The following MGAT4A variants were observed in gnomAD, a reference collection of about 807,000 sequenced individuals.
The protein encoded by MGAT4A is N-acetylglucosaminyltransferase IVa.
Under a neutral mutation model 74.1 loss-of-function variants are expected in MGAT4A, and 33 were observed. That is an observed-to-expected ratio of 0.45 (90% CI 0.34 to 0.60). MGAT4A has a LOEUF of 0.60. Among genes scored for constraint, MGAT4A ranks in the 20% least tolerant of loss-of-function variants. The probability of loss-of-function intolerance (pLI) is 0.02; values close to 1 mark genes in which losing one functional copy is unlikely to be tolerated. For missense variants in MGAT4A, 479 were observed against 628.3 expected, an observed-to-expected ratio of 0.76 and a Z score of 2.54; for synonymous variants, 198 against 210.4, an observed-to-expected ratio of 0.94 and a Z score of 0.51.
intron 8 of MGAT4A, among the ~76,000 whole-genome samples, chr2:98,647,111 C>T (rs374549899): frequency 6.6e-6 from 1 of 152,088 alleles, no homozygotes; most frequent in Non-Finnish European, 1.5e-5. Context: ...TTAGCAATTA[C>T]AGAATTAGGA....
intron 2 of MGAT4A, among the ~76,000 whole-genome samples, chr2:98,715,868 T>C (rs1008434518): frequency 2.0e-5 from 3 of 152,230 alleles, no homozygotes; most frequent in Non-Finnish European, 4.4e-5. Flanking sequence ...AGAAACAGGA[T>C]ATTGGCTTCC....
chr2:98,677,833 T>C (rs1488865720), intron 3 of MGAT4A, among the ~76,000 whole-genome samples: 1 of 146,984 alleles, frequency 6.8e-6, no homozygotes, highest in Non-Finnish European at 1.5e-5. Context: ...TGTAATTTAC[T>C]AGAAAAGAAA....
chr2:98,706,499 T>A (rs148039912), intron 2 of MGAT4A, among the ~76,000 whole-genome samples: 3,350 of 152,082 alleles, frequency 0.022, 49 homozygotes, highest in South Asian at 0.046. Flanking sequence ...CCAGCTAATT[T>A]TTGTATTTTT....
intron 2 of MGAT4A, among the ~76,000 whole-genome samples, chr2:98,679,696 T>C (rs1198697017): frequency 1.3e-5 from 2 of 152,164 alleles, no homozygotes; most frequent in South Asian, 2.1e-4. Flanking sequence ...AAGTCATTCA[T>C]TTGAATAATT....
In MGAT4A at chr2:98,621,311, T is replaced by A. The variant is rs913907794; in HGVS notation, c.*4255A>T. On this transcript the variant is annotated 3_prime_UTR_variant, in exon 16 of 16. Coordinates refer to ENST00000393487, the MANE Select transcript of MGAT4A (RefSeq NM_012214.3). Reference sequence around the variant, plus strand: ...CTTTCCAAGCCTATGAATGAGCTTATGGGCTGAATTCAGTTCCCGTGGCTG... The same window carrying A: ...CTTTCCAAGCCTATGAATGAGCTTAAGGGCTGAATTCAGTTCCCGTGGCTG... 1.4e-6 allele frequency: 2 copies of A among 1,423,160 alleles called. No individual in the cohort carries two copies. Among genetic ancestry groups the A allele is most frequent in the African/African-American group, 2.9e-5 (2 of 68,994 alleles). 88.2% of individuals were successfully genotyped at this position (1,423,160 alleles called of 1,614,324 possible).
intron 12 of MGAT4A, among the ~76,000 whole-genome samples, chr2:98,637,575 T>C (rs901665602): frequency 9.9e-5 from 15 of 152,154 alleles, no homozygotes; most frequent in Non-Finnish European, 1.8e-4. Flanking sequence ...TGCGTATGCG[T>C]TCTCAGGGTG....
At chr2:98,683,305 A>C (rs1474192764) in intron 2 of MGAT4A, among the ~76,000 whole-genome samples, 2 of 152,174 alleles carry the variant, frequency 1.3e-5, no homozygotes, top group Non-Finnish European at 2.9e-5. Context: ...TGATTGTGCC[A>C]ATGTTAAATT....
intron 8 of MGAT4A, among the ~76,000 whole-genome samples, chr2:98,650,081 G>A (rs1010743111): frequency 2.6e-5 from 4 of 152,076 alleles, no homozygotes; most frequent in African/African-American, 9.7e-5. Flanking sequence ...AATAGAGATA[G>A]AAACTATAAA....
At chr2:98,717,433 C>G (rs1390655721) in intron 2 of MGAT4A, among the ~76,000 whole-genome samples, 1 of 151,170 alleles carries the variant, frequency 6.6e-6, no homozygotes, top group African/African-American at 2.4e-5. Context: ...AGTAGGAGGA[C>G]ATGACAACTA....
At chr2:98,655,339 A>G in intron 8 of MGAT4A, 106 bp downstream of exon 8, 2 of 758,526 alleles carry the variant, frequency 2.6e-6, no homozygotes, top group Non-Finnish European at 4.3e-6. Flanking sequence ...GATTTGTCAG[A>G]TCTCAGAGGG....
chr2:98,690,532 G>T (rs989022065), intron 2 of MGAT4A, among the ~76,000 whole-genome samples: 1 of 152,058 alleles, frequency 6.6e-6, no homozygotes, highest in African/African-American at 2.4e-5. Flanking sequence ...GTCAGAAAAG[G>T]CCAGCTATGA....
chr2:98,621,041 T>C lies in MGAT4A; in HGVS notation c.*4525A>G, dbSNP rs896219581. 1.2e-5 allele frequency: 2 copies of C among 162,010 alleles called. No homozygotes were observed. Among genetic ancestry groups the C allele is most frequent in the Non-Finnish European group, 2.7e-5 (2 of 74,774 alleles). 10.0% of individuals were successfully genotyped at this position (162,010 alleles called of 1,614,324 possible). On this transcript the variant is annotated 3_prime_UTR_variant, in exon 16 of 16. Transcript: ENST00000393487. Reference sequence around the variant, plus strand: ...TGCATTTACCAAGAAATATCCAGCATACTACAGGGAATCAAGTATGAAGAT... The same window carrying C: ...TGCATTTACCAAGAAATATCCAGCACACTACAGGGAATCAAGTATGAAGAT...
chr2:98,644,465 C>G (rs1409519283), intron 9 of MGAT4A, among the ~76,000 whole-genome samples: 1 of 152,002 alleles, frequency 6.6e-6, no homozygotes, highest in Non-Finnish European at 1.5e-5. Flanking sequence ...AAAGCATTTG[C>G]AAGTAAAGAT....
chr2:98,661,543 T>C (rs1477141836), intron 5 of MGAT4A, among the ~76,000 whole-genome samples: 1 of 152,158 alleles, frequency 6.6e-6, no homozygotes, highest in Non-Finnish European at 1.5e-5. Flanking sequence ...ACTTAAACAT[T>C]ACATTCAGAG....
At chr2:98,663,509 A>G (rs1223085175) in intron 4 of MGAT4A, 1 of 1,319,214 alleles carries the variant, frequency 7.6e-7, no homozygotes, top group Non-Finnish European at 9.9e-7. Context: ...TTAAAAACTA[A>G]TGTCTTATCT....
chr2:98,689,593 C>T (rs1287253949), intron 2 of MGAT4A, among the ~76,000 whole-genome samples: 1 of 152,132 alleles, frequency 6.6e-6, no homozygotes, highest in Non-Finnish European at 1.5e-5. Context: ...GAGGCTGAAG[C>T]GGGTGGATCA....
chr2:98,629,488 G>C (rs1298338822), intron 14 of MGAT4A, among the ~76,000 whole-genome samples: 1 of 152,076 alleles, frequency 6.6e-6, no homozygotes, highest in African/African-American at 2.4e-5. Flanking sequence ...GCAAAACTTG[G>C]AACATTTTAA....
At chr2:98,633,205 A>G (rs1701268389) in intron 14 of MGAT4A, among the ~76,000 whole-genome samples, 1 of 152,194 alleles carries the variant, frequency 6.6e-6, no homozygotes, top group African/African-American at 2.4e-5. Flanking sequence ...TCTGGAACAG[A>G]GCTTCTGCAA....
intron 1 of MGAT4A, among the ~76,000 whole-genome samples, chr2:98,730,477 G>A (rs1702833131): frequency 2.0e-5 from 3 of 152,306 alleles, no homozygotes; most frequent in South Asian, 4.1e-4. Flanking sequence ...AAAATTCCCT[G>A]CGAAGGCTGC....
Sources: gnomAD v4.1 joint callset for allele counts (sites outside exome capture counted in the v4.1 genomes callset) on GRCh38, gnomAD v4.1.1 for gene constraint, MANE v1.5 for transcripts, NCBI Gene and HGNC (gene_info 2026-07-23, HGNC 2026-07-21) for gene names.